Variants in RNF38 observed in about 807,000 individuals in gnomAD.
RNF38 encodes the protein ring finger protein 38, also known as E3 ubiquitin-protein ligase RNF38.
RNF38 carries 15 observed loss-of-function variants against 67.2 expected under a neutral mutation model. The ratio of observed to expected loss-of-function variants is 0.22; its 90% CI spans 0.15 to 0.34. RNF38 has a LOEUF of 0.34. Ranked by LOEUF, RNF38 falls within the 10% of genes least tolerant of loss-of-function variation. RNF38 has a pLI of 1.00. For missense variants in RNF38, 524 were observed against 639.9 expected, an observed-to-expected ratio of 0.82 and a Z score of 1.95; for synonymous variants, 220 against 218.8, an observed-to-expected ratio of 1.01 and a Z score of -0.05.
At chr9:36,485,823 C>A (rs1044126947) in intron 1 of RNF38, among the ~76,000 whole-genome samples, 1 of 152,082 alleles carries the variant, frequency 6.6e-6, no homozygotes, top group Non-Finnish European at 1.5e-5. Context: ...TTTGTCAAGC[C>A]TTACTTCCAA....
At chr9:36,361,498 AAT>A (rs1834534313) in intron 4 of RNF38, among the ~76,000 whole-genome samples, 1 of 152,144 alleles carries the variant, frequency 6.6e-6, no homozygotes, top group African/African-American at 2.4e-5. Flanking sequence ...TACTAAGAAA[AAT>A]ACTTCTGTTT....
At chr9:36,391,804 G>A (rs1440607421) in intron 1 of RNF38, among the ~76,000 whole-genome samples, 3 of 151,946 alleles carry the variant, frequency 2.0e-5, no homozygotes, top group Admixed American at 6.6e-5. Flanking sequence ...TAGTAGAGAC[G>A]GGGTTTCACT....
chr9:36,399,391 A>T (rs1266379503), intron 1 of RNF38, among the ~76,000 whole-genome samples: 8 of 151,606 alleles, frequency 5.3e-5, no homozygotes, highest in Non-Finnish European at 1.2e-4. Flanking sequence ...TCTTAGAAAT[A>T]AGTCTTACAG....
chr9:36,468,539 T>C (rs1449103293), intron 1 of RNF38, among the ~76,000 whole-genome samples: 8 of 152,304 alleles, frequency 5.3e-5, no homozygotes, highest in Admixed American at 2.0e-4. Flanking sequence ...GAGCCTGGCG[T>C]GGTGGCTCAC....
At chr9:36,344,692 T>G in intron 10 of RNF38, 140 bp downstream of exon 10, 1 of 725,126 alleles carries the variant, frequency 1.4e-6, no homozygotes, top group Non-Finnish European at 2.2e-6. Context: ...CTTATCTTTA[T>G]CAAAGTTATC....
At chr9:36,358,029 T>C (rs1294614810) in intron 4 of RNF38, 87 bp from the exon 5 acceptor site, 3 of 1,064,844 alleles carry the variant, frequency 2.8e-6, no homozygotes, top group Non-Finnish European at 2.8e-6. Context: ...ATTTATTGGC[T>C]CCTCTCTCAG....
chr9:36,391,872 C>T (rs1017819052), intron 1 of RNF38, among the ~76,000 whole-genome samples: 3 of 152,176 alleles, frequency 2.0e-5, no homozygotes, highest in African/African-American at 7.2e-5. Flanking sequence ...CTCGGCCTCC[C>T]GAAGTGCTGG....
At chr9:36,380,037 A>G (rs1836092466) in intron 2 of RNF38, among the ~76,000 whole-genome samples, 1 of 152,232 alleles carries the variant, frequency 6.6e-6, no homozygotes, top group South Asian at 2.1e-4. Context: ...TGATAGTTAA[A>G]ATCAACCTAG....
chr9:36,434,359 T>C (rs1271863156), intron 1 of RNF38, among the ~76,000 whole-genome samples: 1 of 28,716 alleles, frequency 3.5e-5, no homozygotes, highest in Non-Finnish European at 6.7e-5. Context: ...GGGAGGAGGA[T>C]GGGGAGGGCA....
Position 36,417,655 on chromosome 9 carries a change from C to T in RNF38, n.312+6958G>A, listed in dbSNP as rs140144535. 3.3e-3 allele frequency among the ~76,000 whole-genome samples: 507 copies of T among 152,164 alleles called. 1 individual carries two copies. Among genetic ancestry groups the T allele is most frequent in the Non-Finnish European group, 5.6e-3 (383 of 68,006 alleles). Reference sequence around the variant, plus strand: ...CCTTCCGAGTAGCTGGGATTACAGGCGTGCACCACTACGCTCAGCTAATTT... The same window carrying T: ...CCTTCCGAGTAGCTGGGATTACAGGTGTGCACCACTACGCTCAGCTAATTT... On this transcript the variant is annotated intron_variant and non_coding_transcript_variant, in intron 2 of 3. Transcript: ENST00000488058.
intron 2 of RNF38, among the ~76,000 whole-genome samples, chr9:36,417,653 G>A (rs1838510900): frequency 6.6e-6 from 1 of 152,068 alleles, no homozygotes; most frequent in South Asian, 2.1e-4. Flanking sequence ...TGGGATTACA[G>A]GCGTGCACCA....
intron 3 of RNF38, among the ~76,000 whole-genome samples, chr9:36,371,097 C>A (rs79321089): frequency 1.1e-4 from 17 of 152,338 alleles, no homozygotes; most frequent in Non-Finnish European, 2.1e-4. Flanking sequence ...CTCATTAAAA[C>A]TGTACTCTAC....
chr9:36,413,749 T>A (rs1564053205), intron 2 of RNF38, among the ~76,000 whole-genome samples: 1 of 152,216 alleles, frequency 6.6e-6, no homozygotes, highest in Non-Finnish European at 1.5e-5. Flanking sequence ...CTTGATTTGA[T>A]TCTCATTTGG....
intron 1 of RNF38, among the ~76,000 whole-genome samples, chr9:36,464,194 C>A (rs7873582): frequency 0.99 from 149,961 of 151,770 alleles, 74,106 homozygotes; most frequent in Middle Eastern, 1. Flanking sequence ...AAAAACCACA[C>A]AAAAAAAATT....
At chr9:36,464,334 C>A (rs929247904) in intron 1 of RNF38, among the ~76,000 whole-genome samples, 56 of 151,984 alleles carry the variant, frequency 3.7e-4, no homozygotes, top group African/African-American at 1.3e-3. Flanking sequence ...TTTAGGAGGC[C>A]AAGGCAGGCG....
intron 8 of RNF38, among the ~76,000 whole-genome samples, chr9:36,351,830 A>G (rs1044287477): frequency 4.6e-5 from 7 of 152,166 alleles, no homozygotes; most frequent in Admixed American, 3.3e-4. Context: ...CCTTGAGAGG[A>G]GCAGGTAGGC....
chr9:36,455,594 A>G (rs1418884473), intron 1 of RNF38, among the ~76,000 whole-genome samples: 1 of 152,026 alleles, frequency 6.6e-6, no homozygotes, highest in African/African-American at 2.4e-5. Flanking sequence ...CAGCCTGGCC[A>G]AGATGGTGAA....
At chr9:36,481,194 T>C (rs564542786) in intron 1 of RNF38, among the ~76,000 whole-genome samples, 2 of 152,126 alleles carry the variant, frequency 1.3e-5, no homozygotes, top group Non-Finnish European at 2.9e-5. Context: ...TTTGTATTTT[T>C]AGTAGAGGCA....
chr9:36,340,196 C>A (rs1242947087), intron 11 of RNF38, among the ~76,000 whole-genome samples: 1 of 152,188 alleles, frequency 6.6e-6, no homozygotes, highest in Non-Finnish European at 1.5e-5. Context: ...TCAGGCTGGT[C>A]TCAAACTCCT....
Sources: gnomAD v4.1 joint callset for allele counts (sites outside exome capture counted in the v4.1 genomes callset) on GRCh38, gnomAD v4.1.1 for gene constraint, MANE v1.5 for transcripts, NCBI Gene and HGNC (gene_info 2026-07-23, HGNC 2026-07-21) for gene names.